Variants in RPTOR observed in about 807,000 individuals in gnomAD.
RPTOR encodes regulatory-associated protein of mTOR.
RPTOR carries 21 observed loss-of-function variants against 169.9 expected under a neutral mutation model. The observed-to-expected ratio is 0.12, with a 90% CI of 0.09 to 0.18. The LOEUF (loss-of-function observed/expected upper bound fraction) is 0.18. Among genes scored for constraint, RPTOR ranks in the 10% least tolerant of loss-of-function variants. RPTOR has a pLI of 1.00. For missense variants in RPTOR, 1,133 were observed against 1,855.9 expected, an observed-to-expected ratio of 0.61 and a Z score of 7.16; for synonymous variants, 732 against 753.2, an observed-to-expected ratio of 0.97 and a Z score of 0.46.
chr17:80,559,001 G>T (rs573079849), intron 1 of RPTOR, among the ~76,000 whole-genome samples: 1 of 152,198 alleles, frequency 6.6e-6, no homozygotes, highest in East Asian at 1.9e-4. Context: ...CCACATGCTT[G>T]TGCAGCCACC....
At chr17:80,883,655 A>G (rs2068210391) in intron 15 of RPTOR, 126 bp from the exon 16 acceptor site, 9 of 1,256,870 alleles carry the variant, frequency 7.2e-6, no homozygotes, top group South Asian at 2.5e-5. Context: ...GGAATCTAAA[A>G]TGGGGAAAAT....
At chr17:80,841,165 AC>A (rs2067644459) in intron 10 of RPTOR, among the ~76,000 whole-genome samples, 1 of 120,306 alleles carries the variant, frequency 8.3e-6, no homozygotes, top group Non-Finnish European at 1.6e-5. Flanking sequence ...ACGGCAGCTC[AC>A]TCTCACCGCA....
intron 23 of RPTOR, 103 bp from the exon 24 acceptor site, chr17:80,925,267 C>A: frequency 1.1e-6 from 1 of 945,304 alleles, no homozygotes; most frequent in Non-Finnish European, 1.6e-6. Flanking sequence ...CCCGGTGCTC[C>A]CGGCAGCGCC....
intron 9 of RPTOR, among the ~76,000 whole-genome samples, chr17:80,834,900 C>G (rs2143662915): frequency 6.6e-6 from 1 of 152,376 alleles, no homozygotes; most frequent in South Asian, 2.1e-4. Flanking sequence ...CCCTAACTTG[C>G]ACACACTTTC....
rs2067367437 is a variant in RPTOR, at chr17:80,820,422, G to A, written c.891-1779G>A. On this transcript the variant is annotated intron_variant, in intron 7 of 33. Transcript: ENST00000306801. The surrounding 1 kb of genome is among the most constrained non-coding windows in gnomAD (Gnocchi z 4.1). ...CTTCTCCGTGCTGTTTCCTAGGGCT[G>A]TGTCCCGGGCAGCCACCCCTGTTCG... Among the ~76,000 whole-genome samples the A allele has an allele frequency of 6.6e-6, 1 of 152,212 alleles. No homozygotes were observed.
At chr17:80,768,559 C>A (rs75905813) in intron 6 of RPTOR, among the ~76,000 whole-genome samples, 2 of 151,706 alleles carry the variant, frequency 1.3e-5, no homozygotes, top group African/African-American at 4.8e-5. Context: ...AGTGCTCAGC[C>A]CCGGCCTCAC....
intron 3 of RPTOR, among the ~76,000 whole-genome samples, chr17:80,701,691 C>CCTG (rs2066102048): frequency 6.6e-6 from 1 of 152,194 alleles, no homozygotes; most frequent in South Asian, 2.1e-4. Context: ...CTAAACTTGA[C>CCTG]CTGCTATTCA....
intron 4 of RPTOR, among the ~76,000 whole-genome samples, chr17:80,719,520 A>G (rs960243179): frequency 6.6e-6 from 1 of 152,338 alleles, no homozygotes; most frequent in African/African-American, 2.4e-5. Context: ...TTAAGGGCAC[A>G]GCCTTCCTTT....
chr17:80,872,838 A>G (rs2068066395), intron 13 of RPTOR, among the ~76,000 whole-genome samples: 1 of 152,196 alleles, frequency 6.6e-6, no homozygotes, highest in Non-Finnish European at 1.5e-5. Flanking sequence ...GAGGGCGACC[A>G]CAGAGGCTGT....
intron 24 of RPTOR, 155 bp from the exon 25 acceptor site, chr17:80,940,341 G>A (rs2069008994): frequency 1.7e-6 from 1 of 603,374 alleles, no homozygotes; most frequent in African/African-American, 1.9e-5. Flanking sequence ...CGGAGGATGT[G>A]TTCTGCTTGT....
chr17:80,704,396 A>G (rs962196610), intron 3 of RPTOR, among the ~76,000 whole-genome samples: 5 of 152,238 alleles, frequency 3.3e-5, no homozygotes, highest in African/African-American at 1.2e-4. Flanking sequence ...CAAGAACACA[A>G]ATAAACAGTT....
At chr17:80,897,357 T>A (rs2068419824) in intron 20 of RPTOR, among the ~76,000 whole-genome samples, 2 of 152,202 alleles carry the variant, frequency 1.3e-5, no homozygotes, top group Non-Finnish European at 2.9e-5. Context: ...ATTTTTTGAG[T>A]GGGTGCTCTA....
chr17:80,940,057 C>G (rs938566057), intron 24 of RPTOR, among the ~76,000 whole-genome samples: 1 of 152,238 alleles, frequency 6.6e-6, no homozygotes, highest in African/African-American at 2.4e-5. Context: ...CTCTGGTGCA[C>G]TGGCCAGACG....
intron 13 of RPTOR, among the ~76,000 whole-genome samples, chr17:80,862,188 C>G (rs970951288): frequency 6.6e-6 from 1 of 152,164 alleles, no homozygotes; most frequent in Non-Finnish European, 1.5e-5. Context: ...GTTCTTGTAA[C>G]TGCCTGCAGG....
chr17:80,956,633 C>T (rs994899482), intron 28 of RPTOR, among the ~76,000 whole-genome samples: 2 of 152,258 alleles, frequency 1.3e-5, no homozygotes, highest in African/African-American at 4.8e-5. Context: ...CCTGCCAGTT[C>T]TGCCCAGGCG....
intron 1 of RPTOR, among the ~76,000 whole-genome samples, chr17:80,603,317 A>AT (rs1247251155): frequency 2.6e-5 from 4 of 152,144 alleles, no homozygotes; most frequent in African/African-American, 9.7e-5. Context: ...ATAAAAGGTG[A>AT]TTTTTCTGGG....
chr17:80,799,673 A>C (rs1236846245), intron 7 of RPTOR, among the ~76,000 whole-genome samples: 1 of 152,122 alleles, frequency 6.6e-6, no homozygotes, highest in East Asian at 1.9e-4. Context: ...CATGACCTGC[A>C]GGAAGTAAAA....
At chr17:80,779,446 A>G (rs372072430) in intron 6 of RPTOR, among the ~76,000 whole-genome samples, 2 of 152,208 alleles carry the variant, frequency 1.3e-5, no homozygotes, top group Non-Finnish European at 2.9e-5. Flanking sequence ...TGGCGCAAGC[A>G]GCGTGCGGAT....
At chr17:80,661,700 C>A (rs2065725480) in intron 3 of RPTOR, among the ~76,000 whole-genome samples, 1 of 152,088 alleles carries the variant, frequency 6.6e-6, no homozygotes, top group Admixed American at 6.5e-5. Flanking sequence ...CCCCCACCAC[C>A]CCCCGCCCCC....
Sources: allele counts gnomAD v4.1 joint callset (sites outside exome capture counted in the v4.1 genomes callset), GRCh38; gene constraint gnomAD v4.1.1; non-coding constraint Gnocchi (gnomAD v3.1); transcripts MANE v1.5; gene names NCBI Gene and HGNC (gene_info 2026-07-23, HGNC 2026-07-21).